The following COXFA4 variants were observed in gnomAD, a reference collection of about 807,000 sequenced individuals.
The protein encoded by COXFA4 is cytochrome c oxidase associated subunit FA4.
At chr7:10,937,583 T>C in the COXFA4 span, among the ~76,000 whole-genome samples, 1 of 152,142 alleles carries the variant, frequency 6.6e-6, no homozygotes. Flanking sequence ...GTGCCTGGCC[T>C]GCCCTTGGTT....
At chr7:10,938,163 C>T in the COXFA4 span, 1 of 1,606,296 alleles carries the variant, frequency 6.2e-7, no homozygotes, top group Admixed American at 1.7e-5. Context: ...AGAAATAAAA[C>T]ATTACGACTG....
the COXFA4 span, chr7:10,933,410 A>C: frequency 2.0e-6 from 1 of 511,972 alleles, no homozygotes; most frequent in African/African-American, 1.9e-5. Context: ...AATTTCCTAT[A>C]CTCTAAAGTT....
At chr7:10,939,989 A>G in the COXFA4 span, 5 of 1,613,436 alleles carry the variant, frequency 3.1e-6, no homozygotes, top group African/African-American at 6.7e-5. Context: ...ACAAGGGAAA[A>G]CATTAGGAGA....
chr7:10,934,654 C>G, the COXFA4 span, among the ~76,000 whole-genome samples: 1 of 152,120 alleles, frequency 6.6e-6, no homozygotes, highest in Non-Finnish European at 1.5e-5. Flanking sequence ...AATCTATATT[C>G]ATTCTTTCTT....
At chr7:10,938,244 T>C in the COXFA4 span, 2 of 1,059,302 alleles carry the variant, frequency 1.9e-6, no homozygotes, top group Admixed American at 3.9e-5. Flanking sequence ...TCTTATTTTC[T>C]ATTAGATGAG....
At chr7:10,936,005 T>C in the COXFA4 span, among the ~76,000 whole-genome samples, 1 of 152,172 alleles carries the variant, frequency 6.6e-6, no homozygotes, top group Admixed American at 6.5e-5. Flanking sequence ...GCAGGTATCA[T>C]TTCCTCCAAC....
the COXFA4 span, chr7:10,937,814 T>C: frequency 2.4e-6 from 1 of 413,634 alleles, no homozygotes; most frequent in South Asian, 3.1e-5. Flanking sequence ...TATAATGAAG[T>C]TTGAGAACAC....
chr7:10,938,177 TAATAA>T, the COXFA4 span: 1 of 1,587,818 alleles, frequency 6.3e-7, no homozygotes, highest in Non-Finnish European at 8.6e-7. Flanking sequence ...ACGACTGTTA[TAATAA>T]TAAAGCACTA....
chr7:10,933,583 G>T, the COXFA4 span: 1 of 1,423,000 alleles, frequency 7.0e-7, no homozygotes, highest in Non-Finnish European at 9.8e-7. Context: ...TTGTGCGGAT[G>T]TGGCTTCTGG....
the COXFA4 span, among the ~76,000 whole-genome samples, chr7:10,934,615 C>T: frequency 1.3e-5 from 2 of 152,112 alleles, no homozygotes; most frequent in African/African-American, 4.8e-5. Flanking sequence ...TAAACATTTT[C>T]TTCAGGGTTT....
chr7:10,939,779 G>GT, the COXFA4 span: 3,133 of 598,238 alleles, frequency 5.2e-3, 49 homozygotes, highest in African/African-American at 0.049. Context: ...AAAAAACTAG[G>GT]TTTTTTTTCC....
At chr7:10,939,776 T>G in the COXFA4 span, 13 of 594,774 alleles carry the variant, frequency 2.2e-5, no homozygotes, top group Admixed American at 3.8e-4. Flanking sequence ...TAGAAAAAAC[T>G]AGGTTTTTTT....
the COXFA4 span, among the ~76,000 whole-genome samples, chr7:10,935,075 C>A: frequency 6.6e-6 from 1 of 152,204 alleles, no homozygotes; most frequent in East Asian, 1.9e-4. Context: ...CACAATAACC[C>A]TTCTGATTCT....
chr7:10,933,668 T>C, the COXFA4 span: 23 of 1,610,672 alleles, frequency 1.4e-5, no homozygotes, highest in Admixed American at 1.0e-4. Flanking sequence ...TTCAGCTTGC[T>C]GTAATCCACA....
At chr7:10,938,218 T>G in the COXFA4 span, 1 of 1,328,814 alleles carries the variant, frequency 7.5e-7, no homozygotes, top group Middle Eastern at 2.5e-4. Flanking sequence ...TAAGAATACA[T>G]TTTTGAACAG....
the COXFA4 span, among the ~76,000 whole-genome samples, chr7:10,934,465 T>C: frequency 6.6e-6 from 1 of 151,652 alleles, no homozygotes. Flanking sequence ...TAAGGACATA[T>C]TAATGCTTGT....
At chr7:10,933,729 A>T in the COXFA4 span, 1 of 1,483,378 alleles carries the variant, frequency 6.7e-7, no homozygotes, top group Non-Finnish European at 9.4e-7. Context: ...AGTAATCTCA[A>T]ATACACAGAG....
At chr7:10,934,383 A>AAAAC in the COXFA4 span, among the ~76,000 whole-genome samples, 1 of 151,456 alleles carries the variant, frequency 6.6e-6, no homozygotes, top group African/African-American at 2.4e-5. Context: ...CTTTAAAAAA[A>AAAAC]AAAAAAAAAA....
chr7:10,932,963 CAAAAAAAAAAA>C, the COXFA4 span: 1 of 121,084 alleles, frequency 8.3e-6, no homozygotes, highest in African/African-American at 3.0e-5. Context: ...GAGACTATCT[CAAAAAAAAAAA>C]AAAGAAAAAA....
Sources: gnomAD v4.1 joint callset for allele counts (sites outside exome capture counted in the v4.1 genomes callset) on GRCh38, gnomAD v4.1.1 for gene constraint, MANE v1.5 for transcripts, NCBI Gene and HGNC (gene_info 2026-07-23, HGNC 2026-07-21) for gene names.